The following PTGER3 variants were observed in gnomAD, a reference collection of about 807,000 sequenced individuals.
The protein encoded by PTGER3 is prostaglandin E receptor 3, also known as prostaglandin E2 receptor EP3 subtype.
Under a neutral mutation model 34.7 loss-of-function variants are expected in PTGER3, and 22 were observed. That is an observed-to-expected ratio of 0.63 (90% CI 0.45 to 0.91). PTGER3 has a LOEUF of 0.91. Among genes scored for constraint, PTGER3 ranks in the 40% least tolerant of loss-of-function variants. The probability of loss-of-function intolerance (pLI) is 0.00; values close to 1 mark genes in which losing one functional copy is unlikely to be tolerated. For missense variants in PTGER3, 468 were observed against 519.4 expected, an observed-to-expected ratio of 0.90 and a Z score of 0.96; for synonymous variants, 241 against 230.1, an observed-to-expected ratio of 1.05 and a Z score of -0.43.
At chr1:71,033,389 A>G (rs1184714238) in intron 1 of PTGER3, among the ~76,000 whole-genome samples, 1 of 152,192 alleles carries the variant, frequency 6.6e-6, no homozygotes, top group Non-Finnish European at 1.5e-5. Context: ...ACCTTTCTGC[A>G]ATCCAGCTCC....
intron 4 of PTGER3, among the ~76,000 whole-genome samples, chr1:70,882,466 A>G (rs1266950541): frequency 6.6e-6 from 1 of 152,204 alleles, no homozygotes; most frequent in East Asian, 1.9e-4. Context: ...ACTGGGCTGG[A>G]AGCTGGTAGT....
At chr1:71,031,366 GT>G (rs1173440960) in intron 1 of PTGER3, among the ~76,000 whole-genome samples, 1 of 151,890 alleles carries the variant, frequency 6.6e-6, no homozygotes. Context: ...TGGATAGATG[GT>G]AAAAATGAAC....
At chr1:70,948,535 G>A (rs1029184524), downstream of PTGER3, among the ~76,000 whole-genome samples, 4 of 152,026 alleles carry the variant, frequency 2.6e-5, no homozygotes, top group African/African-American at 4.8e-5. Context: ...TAATACAGTC[G>A]CTAATTTGAA....
At chr1:71,014,317 T>C (rs1657701145) in intron 1 of PTGER3, among the ~76,000 whole-genome samples, 1 of 152,212 alleles carries the variant, frequency 6.6e-6, no homozygotes, top group South Asian at 2.1e-4. Context: ...ACACTCACCC[T>C]GGATCAACAT....
chr1:71,007,528 C>T, intron 2 of PTGER3: 2 of 985,332 alleles, frequency 2.0e-6, no homozygotes, highest in Non-Finnish European at 2.4e-6. Context: ...CTCTTTGCTT[C>T]CAGGGCCTGG....
intron 2 of PTGER3, among the ~76,000 whole-genome samples, chr1:71,001,112 T>C (rs1656442283): frequency 6.6e-6 from 1 of 152,258 alleles, no homozygotes; most frequent in Middle Eastern, 3.4e-3. Context: ...ATGGGGACTG[T>C]GGGTTTCATG....
intron 2 of PTGER3, chr1:71,006,769 C>T (rs1226066008): frequency 2.0e-6 from 2 of 985,152 alleles, no homozygotes; most frequent in African/African-American, 3.5e-5. Context: ...TGACAAAGCA[C>T]ATCAAATGGG....
downstream of PTGER3, among the ~76,000 whole-genome samples, chr1:70,967,949 A>G (rs1557695576): frequency 6.6e-6 from 1 of 152,212 alleles, no homozygotes; most frequent in African/African-American, 2.4e-5. Context: ...TTAGATAAAT[A>G]TACCTTCTGA....
At chr1:70,985,034 A>G (rs1654782507) in intron 2 of PTGER3, among the ~76,000 whole-genome samples, 1 of 152,140 alleles carries the variant, frequency 6.6e-6, no homozygotes, top group African/African-American at 2.4e-5. Flanking sequence ...GCTAATGCCA[A>G]CTTCAGCAGC....
At chr1:70,883,407 T>C (rs1448165880) in intron 4 of PTGER3, among the ~76,000 whole-genome samples, 2 of 152,192 alleles carry the variant, frequency 1.3e-5, no homozygotes, top group African/African-American at 2.4e-5. Flanking sequence ...TTTAAGCACA[T>C]TTATTAATGT....
chr1:70,973,261 AGATAGAT>A (rs1448059026), intron 3 of PTGER3, among the ~76,000 whole-genome samples: 1 of 136,618 alleles, frequency 7.3e-6, no homozygotes, highest in African/African-American at 2.7e-5. Flanking sequence ...ATAGATAGAT[AGATAGAT>A]GATAGATACG....
intron 4 of PTGER3, among the ~76,000 whole-genome samples, chr1:70,935,655 C>T (rs982025324): frequency 1.6e-5 from 2 of 124,862 alleles, no homozygotes; most frequent in Non-Finnish European, 3.2e-5. Context: ...TGTGTTGGTA[C>T]TAAGGATACA....
intron 1 of PTGER3, among the ~76,000 whole-genome samples, chr1:71,038,322 A>G (rs578082478): frequency 1.6e-4 from 25 of 152,334 alleles, no homozygotes; most frequent in African/African-American, 6.0e-4. Flanking sequence ...GGGACCAATT[A>G]TTGCTTGAAA....
intron 2 of PTGER3, among the ~76,000 whole-genome samples, chr1:70,976,215 A>G (rs1653682976): frequency 1.3e-5 from 2 of 152,142 alleles, no homozygotes; most frequent in African/African-American, 4.8e-5. Flanking sequence ...TCTGTGGAGC[A>G]CAGAGGATTT....
rs189257497 is a variant in PTGER3 at position 71,027,803 on chromosome 1, T to C, written c.898-15319A>G. On this transcript the variant is annotated intron_variant, in intron 1 of 3. Coordinates refer to ENST00000306666, the MANE Select transcript of PTGER3 (RefSeq NM_198719.2). ...ATATCTGAAATGTTACATCAGCATG[T>C]AGTGAACATAAAAATTATTAATGCA... Among the ~76,000 whole-genome samples, 36 of 152,356 alleles carry C rather than the reference T, an allele frequency of 2.4e-4. No individual in the cohort carries two copies. In the East Asian group the frequency reaches 4.0e-3, roughly 17 times the overall value.
intron 4 of PTGER3, among the ~76,000 whole-genome samples, chr1:70,913,713 T>G (rs1351071057): frequency 2.0e-5 from 3 of 151,926 alleles, no homozygotes; most frequent in Non-Finnish European, 4.4e-5. Context: ...TTTTTCGATG[T>G]TTTTTCTTCA....
At chr1:70,867,325 A>G (rs1421931096) in intron 4 of PTGER3, among the ~76,000 whole-genome samples, 2 of 152,148 alleles carry the variant, frequency 1.3e-5, no homozygotes, top group African/African-American at 4.8e-5. Flanking sequence ...CACACTATTC[A>G]TATTTATTTG....
At chr1:71,025,734 C>T (rs1658871925) in intron 1 of PTGER3, among the ~76,000 whole-genome samples, 1 of 152,222 alleles carries the variant, frequency 6.6e-6, no homozygotes, top group African/African-American at 2.4e-5. Flanking sequence ...AATGCTGCTA[C>T]TGGGTAGCCC....
At chr1:71,015,219 G>T (rs182179424) in intron 1 of PTGER3, among the ~76,000 whole-genome samples, 1 of 152,268 alleles carries the variant, frequency 6.6e-6, no homozygotes, top group East Asian at 1.9e-4. Context: ...GTGTGTGTGT[G>T]TGTGATATAA....
Sources: gnomAD v4.1 joint callset for allele counts (sites outside exome capture counted in the v4.1 genomes callset) on GRCh38, gnomAD v4.1.1 for gene constraint, MANE v1.5 for transcripts, NCBI Gene and HGNC (gene_info 2026-07-23, HGNC 2026-07-21) for gene names.